BANP: variants seen among roughly 807,000 people sequenced by gnomAD.
BANP encodes the protein protein BANP.
A neutral mutation model predicts 68.1 loss-of-function variants in BANP; 11 were observed. The observed-to-expected ratio is 0.16, with a 90% CI of 0.10 to 0.27. The LOEUF (loss-of-function observed/expected upper bound fraction) is 0.27. Among genes scored for constraint, BANP ranks in the 10% least tolerant of loss-of-function variants. BANP has a pLI of 1.00. For missense variants in BANP, 504 were observed against 722.7 expected (o/e 0.70, Z 3.47); for synonymous variants, 329 against 303.2 (o/e 1.09, Z -0.88).
chr16:87,951,896 C>T (rs937626393), intron 1 of BANP, among the ~76,000 whole-genome samples: 7 of 152,286 alleles, frequency 4.6e-5, no homozygotes, highest in Non-Finnish European at 7.4e-5. Flanking sequence ...GCCCGGGCTC[C>T]TCTGGGGCCC....
At chr16:88,023,339 G>A (rs1403188076) in intron 7 of BANP, among the ~76,000 whole-genome samples, 1 of 152,178 alleles carries the variant, frequency 6.6e-6, no homozygotes, top group Admixed American at 6.5e-5. Context: ...TCATAAAGGA[G>A]TGAGTCAGCA....
intron 4 of BANP, among the ~76,000 whole-genome samples, chr16:87,990,535 T>G (rs2065650225): frequency 6.6e-6 from 1 of 152,194 alleles, no homozygotes; most frequent in Admixed American, 6.5e-5. Flanking sequence ...TTTGGGTCAT[T>G]GATATTCTCA....
intron 1 of BANP, among the ~76,000 whole-genome samples, chr16:87,959,641 G>A (rs913012126): frequency 6.6e-6 from 1 of 152,240 alleles, no homozygotes; most frequent in African/African-American, 2.4e-5. Context: ...GGTTTTGGGA[G>A]GGACACATGG....
At chr16:87,959,470 C>T (rs1001763432) in intron 1 of BANP, among the ~76,000 whole-genome samples, 2 of 152,144 alleles carry the variant, frequency 1.3e-5, no homozygotes, top group African/African-American at 2.4e-5. Flanking sequence ...GAGGCCTGGG[C>T]CCTGCACAGA....
At chr16:88,038,622 C>T (rs1432368273) in intron 11 of BANP, among the ~76,000 whole-genome samples, 2 of 152,198 alleles carry the variant, frequency 1.3e-5, no homozygotes, top group Admixed American at 1.3e-4. Flanking sequence ...CTTTCTAATC[C>T]TTGATGAAAA....
intron 11 of BANP, among the ~76,000 whole-genome samples, chr16:88,053,240 C>A (rs1295877914): frequency 6.6e-6 from 1 of 151,770 alleles, no homozygotes; most frequent in African/African-American, 2.4e-5. Flanking sequence ...ACCACCCTAA[C>A]AACCACTACC....
Position 88,004,285 on chromosome 16 carries a change from T to G in BANP, c.363-10T>G. 6.8e-7 allele frequency: 1 copy of G among 1,473,834 alleles called. No homozygotes were observed. The highest frequency in any genetic ancestry group is 9.3e-7 in the Non-Finnish European group (1 of 1,077,258). The allele number at this position is 1,473,834 out of a possible 1,614,324, so 91.3% of individuals were successfully genotyped here. On this transcript the variant is annotated splice_polypyrimidine_tract_variant and intron_variant, in intron 4 of 13. Transcript: ENST00000682872. The surrounding 1 kb of genome is among the most constrained non-coding windows in gnomAD (Gnocchi z 7.0). The stretch of plus-strand genomic sequence containing the variant: ...GCCTTCTTTTTCTTTGTGATTCTTT[T>G]GTTCCCTAGCGTCGTCCCCCAGACT...
intron 2 of BANP, among the ~76,000 whole-genome samples, chr16:87,976,432 T>G (rs1172677596): frequency 6.6e-6 from 1 of 151,816 alleles, no homozygotes; most frequent in Non-Finnish European, 1.5e-5. Context: ...CTTCATCTCT[T>G]CATCTGTGAT....
At chr16:87,982,748 G>T (rs1247865935) in intron 3 of BANP, 1 of 152,260 alleles carries the variant, frequency 6.6e-6, no homozygotes, top group Non-Finnish European at 1.5e-5. Flanking sequence ...CTGAGAAAAG[G>T]CGAGTTGTTG....
rs1048943832 is a variant in BANP at position 88,003,175 on chromosome 16, G to A, written c.363-1120G>A. On this transcript the variant is annotated intron_variant, in intron 4 of 13. Coordinates refer to ENST00000682872, the MANE Select transcript of BANP (RefSeq NM_001386991.1). This position sits in a 1 kb window ranked among gnomAD's most constrained non-coding sequence, Gnocchi z 6.1. Reference sequence around the variant, plus strand: ...ATTTGTCAGGTTTTGCTGTGTTAACGTTAGGTGTCACCAATAACAAGTAGA... The same window carrying A: ...ATTTGTCAGGTTTTGCTGTGTTAACATTAGGTGTCACCAATAACAAGTAGA... Among the ~76,000 whole-genome samples, 11 of 152,306 alleles carry A rather than the reference G, an allele frequency of 7.2e-5. No individual in the cohort carries two copies. The South Asian group carries it at 1.5e-3, about 20-fold the overall frequency.
chr16:87,962,321 A>C (rs2059340545), intron 1 of BANP, among the ~76,000 whole-genome samples: 1 of 152,184 alleles, frequency 6.6e-6, no homozygotes, highest in Non-Finnish European at 1.5e-5. Context: ...ATAGCAACAG[A>C]AAACGGAGTA....
chr16:88,006,298 G>A (rs375544217), intron 6 of BANP, 33 bp downstream of exon 6: 108 of 1,555,596 alleles, frequency 6.9e-5, no homozygotes, highest in Admixed American at 1.3e-4. Flanking sequence ...CGGCCAGAGC[G>A]CCAGTACAAT....
At chr16:88,001,813 T>G (rs1273375415) in intron 4 of BANP, among the ~76,000 whole-genome samples, 1 of 152,210 alleles carries the variant, frequency 6.6e-6, no homozygotes, top group African/African-American at 2.4e-5. Context: ...TCACAAAATT[T>G]TATCCTGTTA....
At chr16:88,069,337 T>TA (rs1567936544) in intron 12 of BANP, among the ~76,000 whole-genome samples, 1 of 152,196 alleles carries the variant, frequency 6.6e-6, no homozygotes, top group Admixed American at 6.5e-5. Context: ...AATTCATTGT[T>TA]AAAAAAATAT....
At chr16:88,051,122 AC>A (rs1825605808) in intron 11 of BANP, among the ~76,000 whole-genome samples, 1 of 152,186 alleles carries the variant, frequency 6.6e-6, no homozygotes, top group African/African-American at 2.4e-5. Flanking sequence ...TGACCGCAGC[AC>A]CCGGGTCCCT....
rs1196825568 is a variant in BANP, at chr16:88,077,086, T to C, written c.*425T>C. ...TCCAGTGTCATGAGACGGGAGCCCT[T>C]TGCTGTGTGCTCTGTCCAGTGTCAT... On this transcript the variant is annotated 3_prime_UTR_variant, in exon 14 of 14. Transcript: ENST00000682872. 5.0e-6 allele frequency: 1 copy of C among 200,660 alleles called. No individual in the cohort carries two copies. The highest frequency in any genetic ancestry group is 2.4e-5 in the African/African-American group (1 of 42,096). The allele number at this position is 200,660 out of a possible 1,614,324, so 12.4% of individuals were successfully genotyped here. A position where few individuals can be genotyped will look rare whatever the true frequency, so the allele number is the denominator to read the frequency against.
At chr16:88,007,184 T>C (rs1411641132) in intron 6 of BANP, among the ~76,000 whole-genome samples, 1 of 152,208 alleles carries the variant, frequency 6.6e-6, no homozygotes, top group Non-Finnish European at 1.5e-5. Context: ...CTGGATGCTT[T>C]CCAGGGATGG....
chr16:88,072,125 C>T lies in BANP; in HGVS notation c.1434C>T (p.Gly478=), dbSNP rs563007703. Residue 478 remains glycine, a synonymous_variant, in exon 13 of 14, where the codon GGC becomes GGT. Transcript: ENST00000682872. ...AVASSDPAAA[G]VDGSPLQGSD... ...CCTCCTCGGACCCCGCGGCGGCGGG[C>T]GTGGATGGGTCGCCACTCCAGGGCA... The T allele has an allele frequency of 1.0e-4, 166 of 1,608,866 alleles. No individual in the cohort carries two copies. Among genetic ancestry groups the T allele is most frequent in the Non-Finnish European group, 1.3e-4 (156 of 1,178,680 alleles).
At chr16:88,074,880 A>G (rs2152931422) in intron 13 of BANP, among the ~76,000 whole-genome samples, 1 of 152,250 alleles carries the variant, frequency 6.6e-6, no homozygotes, top group Non-Finnish European at 1.5e-5. Context: ...GGAACAGTAT[A>G]TCGAGTGTCA....
Sources: allele counts gnomAD v4.1 joint callset (sites outside exome capture counted in the v4.1 genomes callset), GRCh38; gene constraint gnomAD v4.1.1; non-coding constraint Gnocchi (gnomAD v3.1); transcripts MANE v1.5; gene names NCBI Gene and HGNC (gene_info 2026-07-23, HGNC 2026-07-21).